The following PIAS1 variants were observed in gnomAD, a reference collection of about 807,000 sequenced individuals.
PIAS1 encodes protein inhibitor of activated STAT 1.
In PIAS1, 6 loss-of-function variants were observed where a neutral mutation model predicts 71.3. The ratio of observed to expected loss-of-function variants is 0.08; its 90% CI spans 0.05 to 0.17. The LOEUF (loss-of-function observed/expected upper bound fraction) is 0.17, where lower values mean the gene tolerates loss of function less well. Ranked by LOEUF, PIAS1 falls within the 10% of genes least tolerant of loss-of-function variation. PIAS1 has a pLI of 1.00. For synonymous variants in PIAS1, 303 were observed against 292.9 expected (o/e 1.03, Z -0.35); for missense variants, 555 against 793.6 (o/e 0.70, Z 3.61).
intron 2 of PIAS1, among the ~76,000 whole-genome samples, chr15:68,128,368 T>A (rs1051332357): frequency 2.6e-5 from 4 of 152,146 alleles, no homozygotes; most frequent in African/African-American, 9.7e-5. Flanking sequence ...GGTTTTGCCT[T>A]GTTGCCCAGG....
chr15:68,104,462 T>C (rs1280776418), intron 2 of PIAS1, among the ~76,000 whole-genome samples: 1 of 152,202 alleles, frequency 6.6e-6, no homozygotes, highest in Non-Finnish European at 1.5e-5. Context: ...GTAATTACTG[T>C]GTCTTGCCTC....
Position 68,093,259 on chromosome 15 carries a change from T to C in PIAS1, c.469+6509T>C, listed in dbSNP as rs1051713761. Reference sequence around the variant, plus strand: ...CAACTTTCTTTTTAGACTTACATTTTAGCAGCTTTTGTAATATTTAATTCA... The same window carrying C: ...CAACTTTCTTTTTAGACTTACATTTCAGCAGCTTTTGTAATATTTAATTCA... On this transcript the variant is annotated intron_variant, in intron 2 of 13. Coordinates refer to ENST00000249636, the MANE Select transcript of PIAS1 (RefSeq NM_016166.3). Among the ~76,000 whole-genome samples, 57 of 152,254 alleles carry C rather than the reference T, an allele frequency of 3.7e-4. 1 individual carries two copies. The highest frequency in any genetic ancestry group is 3.6e-3 in the Admixed American group (55 of 15,284).
chr15:68,142,463 A>G, intron 4 of PIAS1, 126 bp downstream of exon 4: 2 of 715,300 alleles, frequency 2.8e-6, no homozygotes, highest in Non-Finnish European at 4.5e-6. Context: ...AATATTCCTT[A>G]TCAGGAAGGG....
intron 1 of PIAS1, among the ~76,000 whole-genome samples, chr15:68,085,464 A>G (rs944106422): frequency 3.3e-5 from 5 of 152,228 alleles, no homozygotes; most frequent in African/African-American, 1.2e-4. Context: ...GCATTATGGC[A>G]TATGAATTGG....
chr15:68,071,473 C>T (rs1315304585), intron 1 of PIAS1, among the ~76,000 whole-genome samples: 3 of 150,050 alleles, frequency 2.0e-5, no homozygotes, highest in African/African-American at 7.3e-5. Context: ...CCTCGGCCTC[C>T]CAAAGTGCTG....
chr15:68,152,973 A>G (rs1295418570), intron 6 of PIAS1, among the ~76,000 whole-genome samples: 2 of 136,212 alleles, frequency 1.5e-5, no homozygotes. Flanking sequence ...ATGGATATTC[A>G]TCTGTTCATT....
chr15:68,115,076 C>T (rs1004109706), intron 2 of PIAS1, among the ~76,000 whole-genome samples: 2 of 152,016 alleles, frequency 1.3e-5, no homozygotes, highest in African/African-American at 4.8e-5. Flanking sequence ...TTCATCTTTC[C>T]CCAAAACGAT....
At chr15:68,104,591 C>T (rs1567043498) in intron 2 of PIAS1, among the ~76,000 whole-genome samples, 1 of 151,894 alleles carries the variant, frequency 6.6e-6, no homozygotes, top group Non-Finnish European at 1.5e-5. Context: ...GAGCTAAAAA[C>T]AATTGATCTC....
At chr15:68,156,105 A>G (rs1264029952) in intron 7 of PIAS1, among the ~76,000 whole-genome samples, 2 of 152,212 alleles carry the variant, frequency 1.3e-5, no homozygotes, top group African/African-American at 4.8e-5. Context: ...TTAAGAGTCT[A>G]CTGTGTTCCA....
At chr15:68,067,212 G>T (rs527964733) in intron 1 of PIAS1, among the ~76,000 whole-genome samples, 1 of 152,234 alleles carries the variant, frequency 6.6e-6, no homozygotes, top group South Asian at 2.1e-4. Flanking sequence ...TTGTCTCATG[G>T]ATATTTAGTT....
intron 2 of PIAS1, among the ~76,000 whole-genome samples, chr15:68,096,840 A>G (rs983430747): frequency 1.3e-5 from 2 of 152,180 alleles, no homozygotes; most frequent in African/African-American, 4.8e-5. Flanking sequence ...AGTTTTCTAC[A>G]TACGTCATGT....
chr15:68,154,570 T>C (rs1595772302), intron 7 of PIAS1, among the ~76,000 whole-genome samples: 1 of 152,218 alleles, frequency 6.6e-6, no homozygotes, highest in East Asian at 1.9e-4. Flanking sequence ...CAGCTTTCCT[T>C]TTGTAGCATA....
chr15:68,146,889 G>A (rs1567063276), intron 6 of PIAS1, among the ~76,000 whole-genome samples, 189 bp downstream of exon 6: 1 of 151,986 alleles, frequency 6.6e-6, no homozygotes, highest in African/African-American at 2.4e-5. Context: ...TTATAACCTG[G>A]CCCTTTTACT....
chr15:68,116,655 T>A (rs2092567320), intron 2 of PIAS1, among the ~76,000 whole-genome samples: 1 of 152,118 alleles, frequency 6.6e-6, no homozygotes, highest in Non-Finnish European at 1.5e-5. Context: ...TTTAGTTTCT[T>A]AAGGTATAAA....
intron 7 of PIAS1, among the ~76,000 whole-genome samples, chr15:68,164,105 G>T (rs2092941576): frequency 6.6e-6 from 1 of 151,968 alleles, no homozygotes; most frequent in South Asian, 2.1e-4. Flanking sequence ...TCTAGTGTGG[G>T]TTCCAATTTT....
intron 12 of PIAS1, among the ~76,000 whole-genome samples, chr15:68,182,943 A>T (rs540845652): frequency 6.6e-6 from 1 of 152,312 alleles, no homozygotes; most frequent in Non-Finnish European, 1.5e-5. Context: ...TAGATATCAT[A>T]ATGAAGCATT....
In PIAS1 at chr15:68,187,123, G is replaced by A. The variant is rs1448273952; in HGVS notation, c.1663-419G>A. ...TGAGTGTATAATAAGAACAGTGTCTGTTGGTTTCCAGTACTGTTTTATAAA... is the reference window on the plus strand; with the variant it reads ...TGAGTGTATAATAAGAACAGTGTCTATTGGTTTCCAGTACTGTTTTATAAA... On this transcript the variant is annotated intron_variant, in intron 13 of 13. Transcript: ENST00000249636. The surrounding 1 kb of genome is among the most constrained non-coding windows in gnomAD (Gnocchi z 5.3). 1.3e-5 allele frequency among the ~76,000 whole-genome samples: 2 copies of A among 152,166 alleles called. No homozygotes were observed. The highest frequency in any genetic ancestry group is 2.9e-5 in the Non-Finnish European group (2 of 68,020).
chr15:68,080,467 T>C (rs1186713426), intron 1 of PIAS1, among the ~76,000 whole-genome samples: 2 of 152,140 alleles, frequency 1.3e-5, no homozygotes, highest in Admixed American at 6.5e-5. Flanking sequence ...AGTTGAGAAA[T>C]TGGGTGAAAC....
chr15:68,165,093 T>C (rs2092948847), intron 8 of PIAS1, among the ~76,000 whole-genome samples: 1 of 152,294 alleles, frequency 6.6e-6, no homozygotes, highest in Middle Eastern at 3.4e-3. Flanking sequence ...TCTCAGTGTA[T>C]TTATAAAAAT....
Sources: allele counts gnomAD v4.1 joint callset (sites outside exome capture counted in the v4.1 genomes callset), GRCh38; gene constraint gnomAD v4.1.1; non-coding constraint Gnocchi (gnomAD v3.1); transcripts MANE v1.5; gene names NCBI Gene and HGNC (gene_info 2026-07-23, HGNC 2026-07-21).